Variants in CRISPLD2 observed in about 807,000 individuals in gnomAD.
CRISPLD2 encodes cysteine-rich secretory protein LCCL domain-containing 2.
A neutral mutation model predicts 71.1 loss-of-function variants in CRISPLD2; 47 were observed. The ratio of observed to expected loss-of-function variants is 0.66; its 90% CI spans 0.52 to 0.84. The LOEUF is 0.84. Among genes scored for constraint, CRISPLD2 ranks in the 40% least tolerant of loss-of-function variants. The probability of loss-of-function intolerance (pLI) is 0.00; values close to 1 mark genes in which losing one functional copy is unlikely to be tolerated. For missense variants in CRISPLD2, 830 were observed against 651.1 expected (o/e 1.27, Z -2.99); for synonymous variants, 317 against 250.1 (o/e 1.27, Z -2.52).
intron 13 of CRISPLD2, among the ~76,000 whole-genome samples, chr16:84,888,699 C>G (rs190558752): frequency 6.6e-6 from 1 of 152,278 alleles, no homozygotes; most frequent in Admixed American, 6.5e-5. Context: ...AGTTTATATC[C>G]ACCCCAGGGC....
chr16:84,900,101 G>T (rs2143382387), intron 14 of CRISPLD2, among the ~76,000 whole-genome samples: 1 of 152,226 alleles, frequency 6.6e-6, no homozygotes, highest in South Asian at 2.1e-4. Context: ...TCCTCCTCTT[G>T]GTCCGGAGCC....
In CRISPLD2 at chr16:84,906,824, A is replaced by G. The variant is rs1252454143; in HGVS notation, c.*182A>G. On this transcript the variant is annotated 3_prime_UTR_variant, in exon 15 of 15. Transcript: ENST00000262424. ...CTCATCCCCTCACTGAAGCAACAGCATCCCAAGGTGCTCAGCCGGACTCCC... is the reference window on the plus strand; with the variant it reads ...CTCATCCCCTCACTGAAGCAACAGCGTCCCAAGGTGCTCAGCCGGACTCCC... The G allele has an allele frequency of 2.7e-6, 2 of 738,548 alleles. No individual in the cohort carries two copies. Among genetic ancestry groups the G allele is most frequent in the Non-Finnish European group, 2.4e-6 (1 of 423,020 alleles). The allele number at this position is 738,548 out of a possible 1,614,324, so 45.7% of individuals were successfully genotyped here.
At chr16:84,902,312 G>A (rs1340042312) in intron 14 of CRISPLD2, among the ~76,000 whole-genome samples, 1 of 151,900 alleles carries the variant, frequency 6.6e-6, no homozygotes, top group African/African-American at 2.4e-5. Flanking sequence ...CATGCAGAGA[G>A]TACAAACGAT....
At chr16:84,877,702 TAGTC>T (rs1469361781) in intron 12 of CRISPLD2, among the ~76,000 whole-genome samples, 192 bp downstream of exon 12, 3 of 151,280 alleles carry the variant, frequency 2.0e-5, no homozygotes, top group Non-Finnish European at 4.4e-5. Flanking sequence ...TTACAAAAAT[TAGTC>T]AGCCATGGCG....
intron 5 of CRISPLD2, among the ~76,000 whole-genome samples, chr16:84,853,793 C>A (rs530206170): frequency 3.7e-4 from 56 of 152,358 alleles, no homozygotes; most frequent in Non-Finnish European, 6.0e-4. Context: ...ACGGTCACTC[C>A]CTCAGTCTCA....
intron 13 of CRISPLD2, among the ~76,000 whole-genome samples, chr16:84,881,010 C>G (rs1016838871): frequency 6.6e-6 from 1 of 152,100 alleles, no homozygotes; most frequent in Non-Finnish European, 1.5e-5. Context: ...CGGCCAACCT[C>G]TTAGCTAAGT....
chr16:84,877,092 C>G (rs560787196), intron 11 of CRISPLD2, among the ~76,000 whole-genome samples: 2 of 152,172 alleles, frequency 1.3e-5, no homozygotes, highest in African/African-American at 2.4e-5. Context: ...CCTCATCTGC[C>G]TACTTAGAGT....
chr16:84,844,697 C>T (rs911509530), intron 2 of CRISPLD2, among the ~76,000 whole-genome samples: 8 of 152,272 alleles, frequency 5.3e-5, no homozygotes, highest in South Asian at 2.1e-4. Flanking sequence ...AACTGAAATG[C>T]GGCATCCATT....
At chr16:84,893,111 G>C (rs915493721) in intron 14 of CRISPLD2, among the ~76,000 whole-genome samples, 1 of 152,012 alleles carries the variant, frequency 6.6e-6, no homozygotes, top group Non-Finnish European at 1.5e-5. Context: ...GCCCCCAACA[G>C]GGTGATGGCC....
intron 13 of CRISPLD2, among the ~76,000 whole-genome samples, chr16:84,886,181 C>T (rs566915437): frequency 2.8e-4 from 42 of 152,248 alleles, no homozygotes; most frequent in Middle Eastern, 3.4e-3. Context: ...TAAGCCACCG[C>T]GCCGGCCAAA....
At chr16:84,887,003 G>A (rs999144139) in intron 13 of CRISPLD2, among the ~76,000 whole-genome samples, 1 of 152,114 alleles carries the variant, frequency 6.6e-6, no homozygotes, top group Non-Finnish European at 1.5e-5. Context: ...TGTACTTCCT[G>A]TCTCCAGGAA....
chr16:84,879,856 C>T (rs904966752), intron 12 of CRISPLD2, among the ~76,000 whole-genome samples: 12 of 152,288 alleles, frequency 7.9e-5, no homozygotes, highest in African/African-American at 2.9e-4. Context: ...CTCCAGCCCA[C>T]GGTGGACTGT....
intron 14 of CRISPLD2, among the ~76,000 whole-genome samples, chr16:84,902,539 G>A (rs2071764643): frequency 6.6e-6 from 1 of 151,552 alleles, no homozygotes; most frequent in Non-Finnish European, 1.5e-5. Flanking sequence ...GAACCCAGGA[G>A]GTGGAGGTTG....
At chr16:84,885,299 C>A (rs576984168) in intron 13 of CRISPLD2, among the ~76,000 whole-genome samples, 1 of 152,250 alleles carries the variant, frequency 6.6e-6, no homozygotes, top group Non-Finnish European at 1.5e-5. Context: ...CTGAAATGGT[C>A]GCTTCATCTT....
intron 1 of CRISPLD2, chr16:84,828,888 T>C (rs1916419724): frequency 6.6e-6 from 1 of 152,160 alleles, no homozygotes; most frequent in South Asian, 2.1e-4. Context: ...TCCAGACATA[T>C]TGACTCAGAA....
intron 14 of CRISPLD2, among the ~76,000 whole-genome samples, chr16:84,902,813 G>T (rs2071767364): frequency 9.4e-6 from 1 of 106,312 alleles, no homozygotes; most frequent in African/African-American, 3.9e-5. Context: ...TCACTCTGTT[G>T]CCCAGGCTGG....
intron 14 of CRISPLD2, among the ~76,000 whole-genome samples, chr16:84,894,027 C>G (rs2071684830): frequency 6.6e-6 from 1 of 152,318 alleles, no homozygotes; most frequent in East Asian, 1.9e-4. Flanking sequence ...CACCAAAACC[C>G]CCAAACAGGA....
At chr16:84,881,713 C>G (rs810159) in intron 13 of CRISPLD2, among the ~76,000 whole-genome samples, 3 of 151,976 alleles carry the variant, frequency 2.0e-5, no homozygotes, top group Non-Finnish European at 4.4e-5. Flanking sequence ...TGGGCTCGAG[C>G]GATCCTCCCT....
intron 13 of CRISPLD2, among the ~76,000 whole-genome samples, chr16:84,881,546 C>T (rs576984608): frequency 7.2e-5 from 11 of 152,304 alleles, no homozygotes; most frequent in African/African-American, 2.2e-4. Flanking sequence ...TGTGGCGGAA[C>T]GGCCCAGAAC....
Sources: gnomAD v4.1 joint callset for allele counts (sites outside exome capture counted in the v4.1 genomes callset) on GRCh38, gnomAD v4.1.1 for gene constraint, MANE v1.5 for transcripts, NCBI Gene and HGNC (gene_info 2026-07-23, HGNC 2026-07-21) for gene names.